Variants in CCDC187 observed in about 807,000 individuals in gnomAD.
CCDC187 encodes coiled-coil domain-containing protein 187.
In CCDC187, 32 loss-of-function variants were observed where a neutral mutation model predicts 38.0. The observed-to-expected ratio is 0.84, with a 90% CI of 0.64 to 1.13. The LOEUF (loss-of-function observed/expected upper bound fraction) is 1.13. Ranked by LOEUF, CCDC187 falls within the 50% of genes most tolerant of loss-of-function variation. CCDC187 has a pLI of 0.00. For synonymous variants in CCDC187, 333 were observed against 347.9 expected, an observed-to-expected ratio of 0.96 and a Z score of 0.48; for missense variants, 707 against 786.8, an observed-to-expected ratio of 0.90 and a Z score of 1.21.
intron 12 of CCDC187, among the ~76,000 whole-genome samples, chr9:136,275,430 G>A (rs1343624865): frequency 6.6e-6 from 1 of 150,826 alleles, no homozygotes; most frequent in Non-Finnish European, 1.5e-5. Context: ...GAGGCTGCCT[G>A]TATGTGTACT....
intron 7 of CCDC187, among the ~76,000 whole-genome samples, chr9:136,288,913 G>A (rs1831244310): frequency 6.6e-6 from 1 of 152,234 alleles, no homozygotes; most frequent in African/African-American, 2.4e-5. Context: ...ACACAGAGGT[G>A]CACGTGCCCA....
chr9:136,296,326 T>A (rs1831534577), intron 4 of CCDC187: 1 of 152,252 alleles, frequency 6.6e-6, no homozygotes, highest in Non-Finnish European at 1.5e-5. Context: ...GGGCTCTTGC[T>A]GGTGTCTCCA....
intron 9 of CCDC187, among the ~76,000 whole-genome samples, chr9:136,283,532 C>T (rs989442547): frequency 2.0e-5 from 3 of 152,256 alleles, no homozygotes; most frequent in African/African-American, 7.2e-5. Flanking sequence ...CGGGTCCCTC[C>T]GGGCCACGGT....
chr9:136,280,019 T>C (rs1831008460), intron 10 of CCDC187, among the ~76,000 whole-genome samples: 1 of 152,258 alleles, frequency 6.6e-6, no homozygotes, highest in African/African-American at 2.4e-5. Flanking sequence ...ACTCCAGAAC[T>C]GTGAGCCAAT....
intron 10 of CCDC187, among the ~76,000 whole-genome samples, chr9:136,277,317 G>A (rs1830950305): frequency 8.3e-6 from 1 of 120,400 alleles, no homozygotes; most frequent in Middle Eastern, 3.7e-3. Flanking sequence ...TGTGAACGGG[G>A]TGGGTGGGTG....
chr9:136,281,818 CAAGGGCCAAAAGCCTGGCGGGGG>C lies in CCDC187; in HGVS notation c.2928-178_2928-156del, dbSNP rs1831051042. ...CCAACAGTGTGCCCAGGGTGGGACC[CAAGGGCCAAAAGCCTGGCGGGGG>C]AAGGGCCTGAGGCCTGGGAGCCAGG... On this transcript the variant is annotated intron_variant, in intron 9 of 25. Transcript: ENST00000638797. Among the ~76,000 whole-genome samples, 3 of 152,216 alleles carry C rather than the reference CAAGGGCCAAAAGCCTGGCGGGGG, an allele frequency of 2.0e-5. No individual in the cohort carries two copies. The South Asian group carries it at 6.2e-4, about 32-fold the overall frequency.
Position 136,270,802 on chromosome 9 carries a change from G to A in CCDC187, c.3443-2677C>T, listed in dbSNP as rs188843702. Among the ~76,000 whole-genome samples the A allele has an allele frequency of 7.2e-5, 11 of 152,300 alleles. No homozygotes were observed. The East Asian group carries it at 1.2e-3, about 16-fold the overall frequency. ...AGGAGCCCTCAAGCGGCCCTTATGC[G>A]GGTGTGACAGAGGCCTCACCTCTTA... On this transcript the variant is annotated intron_variant, in intron 14 of 25. Coordinates refer to ENST00000638797, the MANE Select transcript of CCDC187 (RefSeq NM_001378188.1).
In CCDC187 at chr9:136,254,140, C is replaced by G. The variant is rs1250960508; in HGVS notation, c.5688G>C (p.Leu1896Phe). Residue 1896 changes from leucine (L) to phenylalanine (F), a missense_variant, in exon 26 of 26, where the codon TTG becomes TTC. Physicochemically the swap from Leu to Phe is conservative, Grantham distance 22. Coordinates refer to ENST00000638797, the MANE Select transcript of CCDC187 (RefSeq NM_001378188.1). The part of the protein sequence containing the change: ...SLLVFPSWTS[L>F]SEGADFGKGG... ...CTTTGCCGAAATCTGCCCCTTCACT[C>G]AAAGAGGTCCACGAAGGAAAGACCA... The G allele has an allele frequency of 3.3e-5, 33 of 985,362 alleles. No homozygotes were observed. The highest frequency in any genetic ancestry group is 3.9e-5 in the Non-Finnish European group (32 of 829,966). The allele number at this position is 985,362 out of a possible 1,614,324, so 61.0% of individuals were successfully genotyped here. A position where few individuals can be genotyped will look rare whatever the true frequency, so the allele number is the denominator to read the frequency against.
At chr9:136,278,597 GGCA>G (rs1489998774) in intron 10 of CCDC187, among the ~76,000 whole-genome samples, 3,821 of 152,262 alleles carry the variant, frequency 0.025, 161 homozygotes, top group African/African-American at 0.087. Context: ...CTTGGCACAT[GGCA>G]GCTGCGGTCA....
chr9:136,272,713 A>G lies in CCDC187; in HGVS notation c.3442+1945T>C, dbSNP rs1309597766. On this transcript the variant is annotated intron_variant, in intron 14 of 25. Transcript: ENST00000638797. ...AGCAAACTCTGTCTCAAGAAAAAAA[A>G]AAAAACAAAAACTAGCTTGGGGTGG... Among the ~76,000 whole-genome samples, 3 of 152,022 alleles carry G rather than the reference A, an allele frequency of 2.0e-5. No homozygotes were observed. In the South Asian group the frequency reaches 6.2e-4, roughly 32 times the overall value.
At chr9:136,296,570 C>A (rs1831540476) in intron 4 of CCDC187, 1 of 152,350 alleles carries the variant, frequency 6.6e-6, no homozygotes, top group African/African-American at 2.4e-5. Flanking sequence ...TGGCGGGGAA[C>A]CAGGAGGCTG....
In CCDC187 at chr9:136,303,179, CT is replaced by C. The variant is rs1272671265; in HGVS notation, c.257del (p.Lys86ArgfsTer70). ...APHVVGSDDLKEPGPWGKACS... is the reference protein window; with the variant it reads ...APHVVGSDDLXEPGPWGKACS... ...ACGCCTTCCCCCAGGGTCCTGGTTC[CT>C]TGAGGTCGTCAGACCCGACCACGTG... On this transcript the variant is annotated frameshift_variant, in exon 2 of 26. Transcript: ENST00000638797. LOFTEE classifies it high-confidence loss of function. The C allele has an allele frequency of 2.8e-5, 11 of 398,630 alleles. No individual in the cohort carries two copies. Among genetic ancestry groups the C allele is most frequent in the African/African-American group, 2.3e-4 (11 of 48,764 alleles). 24.7% of individuals were successfully genotyped at this position (398,630 alleles called of 1,614,324 possible).
intron 3 of CCDC187, among the ~76,000 whole-genome samples, chr9:136,298,555 C>T (rs1457206401): frequency 3.3e-5 from 5 of 152,224 alleles, no homozygotes; most frequent in African/African-American, 1.2e-4. Flanking sequence ...TGCCTTGTCC[C>T]CATGGGTGGG....
chr9:136,256,134 G>A (rs1830609456), intron 24 of CCDC187, 77 bp downstream of exon 24: 1 of 755,362 alleles, frequency 1.3e-6, no homozygotes, highest in South Asian at 5.9e-5. Context: ...CCCCACAGCA[G>A]GGGGACAGGG....
Position 136,291,008 on chromosome 9 carries a change from T to A in CCDC187, c.1605A>T (p.Val535=). The A allele has an allele frequency of 2.5e-6, 1 of 398,638 alleles. No homozygotes were observed. Among genetic ancestry groups the A allele is most frequent in the Non-Finnish European group, 4.4e-6 (1 of 226,116 alleles). The allele number at this position is 398,638 out of a possible 1,614,324, so 24.7% of individuals were successfully genotyped here. ...CCCTCCGTGGACAGGGCTGTGTGGC[T>A]ACAGCACTCCAGGGCTGCTGGGGGA... is the stretch of plus-strand genomic sequence containing the variant. The part of the protein sequence containing the change: ...SPFPQQPWSA[V]ATQPCPRRAW... The change falls in exon 6 of 26, where the codon GTA becomes GTT. Residue 535 remains valine, a synonymous_variant. Transcript: ENST00000638797.
At chr9:136,265,465 G>A (rs559767071) in intron 17 of CCDC187, 1 of 152,280 alleles carries the variant, frequency 6.6e-6, no homozygotes, top group South Asian at 2.1e-4. Flanking sequence ...TTTCAGATGA[G>A]GGAACTGGGC....
chr9:136,293,270 T>C, intron 4 of CCDC187, among the ~76,000 whole-genome samples: 1 of 118,548 alleles, frequency 8.4e-6, no homozygotes, highest in Non-Finnish European at 1.7e-5. Context: ...CACTCATGCT[T>C]TCACACTAAC....
intron 6 of CCDC187, 109 bp downstream of exon 6, chr9:136,290,377 C>T (rs1403763861): frequency 1.8e-5 from 7 of 397,734 alleles, no homozygotes; most frequent in South Asian, 1.4e-4. Context: ...CTGCAGCCCT[C>T]GCCCGGCCAC....
At chr9:136,293,362 C>T (rs1483117715) in intron 4 of CCDC187, among the ~76,000 whole-genome samples, 2 of 144,458 alleles carry the variant, frequency 1.4e-5, no homozygotes, top group African/African-American at 5.3e-5. Context: ...CACACACATT[C>T]ACATGCTCAC....
Sources: gnomAD v4.1 joint callset for allele counts (sites outside exome capture counted in the v4.1 genomes callset) on GRCh38, gnomAD v4.1.1 for gene constraint, MANE v1.5 for transcripts, NCBI Gene and HGNC (gene_info 2026-07-23, HGNC 2026-07-21) for gene names.